The following SNTG2 variants were observed in gnomAD, a reference collection of about 807,000 sequenced individuals.
SNTG2 encodes the protein gamma-2-syntrophin.
A neutral mutation model predicts 70.9 loss-of-function variants in SNTG2; 74 were observed. The observed-to-expected ratio is 1.04, with a 90% confidence interval of 0.86 to 1.27. The LOEUF is 1.27. Ranked by LOEUF, SNTG2 falls within the 50% of genes most tolerant of loss-of-function variation. The pLI is 0.00. For missense variants in SNTG2, 717 were observed against 690.7 expected, an observed-to-expected ratio of 1.04 and a Z score of -0.43; for synonymous variants, 278 against 273.8, an observed-to-expected ratio of 1.02 and a Z score of -0.15.
Position 1,152,712 on chromosome 2 carries a change from A to G in SNTG2, c.412-12836A>G, listed in dbSNP as rs376305420. On this transcript the variant is annotated intron_variant, in intron 6 of 16. Coordinates refer to ENST00000308624, the MANE Select transcript of SNTG2 (RefSeq NM_018968.4). ...ATCTGAGCCTTTATCCGGCAGGTAG[A>G]TTTTCTTTTTCCTCAGAGAAATCTC... 2.6e-3 allele frequency among the ~76,000 whole-genome samples: 399 copies of G among 152,262 alleles called. 9 individuals carry two copies. The South Asian group carries it at 0.04, about 15-fold the overall frequency.
chr2:1,213,565 T>C (rs1311918205), intron 9 of SNTG2, among the ~76,000 whole-genome samples: 1 of 152,234 alleles, frequency 6.6e-6, no homozygotes, highest in Non-Finnish European at 1.5e-5. Context: ...GACTGGAGTC[T>C]GTGCTGGAAG....
chr2:1,271,015 T>A (rs1035843101), intron 14 of SNTG2, among the ~76,000 whole-genome samples: 4 of 152,202 alleles, frequency 2.6e-5, no homozygotes, highest in African/African-American at 9.6e-5. Context: ...CGTTTCTGAA[T>A]GCACCTATGT....
chr2:998,238 G>A (rs1661756434), intron 1 of SNTG2, among the ~76,000 whole-genome samples: 1 of 152,068 alleles, frequency 6.6e-6, no homozygotes. Context: ...CTGGAAGTAT[G>A]AACAGAGTAT....
At chr2:988,077 C>G (rs185729085) in intron 1 of SNTG2, among the ~76,000 whole-genome samples, 1 of 152,216 alleles carries the variant, frequency 6.6e-6, no homozygotes, top group Non-Finnish European at 1.5e-5. Context: ...TTTGGCAGGA[C>G]GCAGTCACAT....
At chr2:1,300,578 G>A (rs567048012) in intron 14 of SNTG2, among the ~76,000 whole-genome samples, 1 of 152,254 alleles carries the variant, frequency 6.6e-6, no homozygotes, top group South Asian at 2.1e-4. Flanking sequence ...AGAGCTACCT[G>A]TGCCCATGTG....
chr2:1,175,170 G>A (rs1051381841), intron 8 of SNTG2, among the ~76,000 whole-genome samples: 1 of 152,170 alleles, frequency 6.6e-6, no homozygotes, highest in Non-Finnish European at 1.5e-5. Context: ...TAGAGTTCCA[G>A]GTGCATTTTT....
intron 1 of SNTG2, among the ~76,000 whole-genome samples, chr2:1,009,938 C>T (rs1304115871): frequency 6.6e-6 from 1 of 152,168 alleles, no homozygotes. Context: ...CAAGATTCTC[C>T]ATGTGTGCTA....
At chr2:1,024,066 CT>C (rs1660343438) in intron 1 of SNTG2, among the ~76,000 whole-genome samples, 1 of 152,136 alleles carries the variant, frequency 6.6e-6, no homozygotes, top group Non-Finnish European at 1.5e-5. Context: ...AACAGTCCTG[CT>C]CTCGTGGAGG....
intron 14 of SNTG2, among the ~76,000 whole-genome samples, chr2:1,268,035 T>C (rs1678841664): frequency 6.6e-6 from 1 of 152,234 alleles, no homozygotes; most frequent in Non-Finnish European, 1.5e-5. Context: ...ATAAAACAGC[T>C]TGTGTGTCTG....
intron 1 of SNTG2, among the ~76,000 whole-genome samples, chr2:977,186 A>C (rs551802118): frequency 1.3e-5 from 2 of 152,270 alleles, no homozygotes; most frequent in African/African-American, 2.4e-5. Context: ...CGCTGTAAGT[A>C]TATATAATCC....
In SNTG2 at chr2:1,083,662, GCCATCACTT is replaced by G; in HGVS notation, c.210+9_210+17del. On this transcript the variant is annotated splice_region_variant and intron_variant, in intron 2 of 16. Coordinates refer to ENST00000308624, the MANE Select transcript of SNTG2 (RefSeq NM_018968.4). ...AAGCCACCAGGGCAGGAATGTAAGT[GCCATCACTT>G]CAGGGAAGTCTTGGAGTGTTTCGGA... 6.2e-7 allele frequency: 1 copy of G among 1,613,696 alleles called. No individual in the cohort carries two copies. The highest frequency in any genetic ancestry group is 2.2e-5 in the East Asian group (1 of 44,882).
chr2:1,243,083 G>T (rs879624768), intron 11 of SNTG2, among the ~76,000 whole-genome samples: 4 of 152,214 alleles, frequency 2.6e-5, no homozygotes, highest in Non-Finnish European at 5.9e-5. Flanking sequence ...GTATTTCTTT[G>T]CTAAATCTAG....
intron 1 of SNTG2, among the ~76,000 whole-genome samples, chr2:976,184 C>A (rs1009228950): frequency 6.6e-6 from 1 of 152,134 alleles, no homozygotes; most frequent in African/African-American, 2.4e-5. Flanking sequence ...TAATTAGAAG[C>A]AATTCATATT....
At chr2:1,280,772 T>TAGTA (rs1177264536) in intron 14 of SNTG2, among the ~76,000 whole-genome samples, 2 of 152,254 alleles carry the variant, frequency 1.3e-5, no homozygotes, top group East Asian at 3.8e-4. Flanking sequence ...TTTACAAACT[T>TAGTA]TCTGAAAGTA....
chr2:1,271,974 T>G (rs988088638), intron 14 of SNTG2, among the ~76,000 whole-genome samples: 1 of 151,996 alleles, frequency 6.6e-6, no homozygotes, highest in African/African-American at 2.4e-5. Context: ...TTGGCTTCTG[T>G]GAACCAACAT....
intron 9 of SNTG2, among the ~76,000 whole-genome samples, chr2:1,223,759 ACCT>A (rs777297712): frequency 2.2e-4 from 33 of 152,174 alleles, no homozygotes; most frequent in Non-Finnish European, 4.1e-4. Context: ...GGTGTACATG[ACCT>A]CAGCACACTA....
rs182565568 is a variant in SNTG2 at position 1,154,899 on chromosome 2, C to T, written c.412-10649C>T. Among the ~76,000 whole-genome samples the T allele has an allele frequency of 6.0e-5, 9 of 149,040 alleles. No homozygotes were observed. In the East Asian group the frequency reaches 1.4e-3, roughly 23 times the overall value. ...CAAACACACCACACACACAAAGACA[C>T]ATACCACATACACACACACAACACA... On this transcript the variant is annotated intron_variant, in intron 6 of 16. Transcript: ENST00000308624.
At chr2:1,218,208 C>T (rs975284817) in intron 9 of SNTG2, among the ~76,000 whole-genome samples, 7 of 152,112 alleles carry the variant, frequency 4.6e-5, no homozygotes, top group Admixed American at 2.6e-4. Context: ...TAGACCCAGA[C>T]GTAAAGGGCC....
chr2:961,426 C>T (rs1660345504), intron 1 of SNTG2, among the ~76,000 whole-genome samples: 1 of 152,120 alleles, frequency 6.6e-6, no homozygotes, highest in African/African-American at 2.4e-5. Context: ...TGAACCATGT[C>T]TGTGAACTTT....
Sources: allele counts gnomAD v4.1 joint callset (sites outside exome capture counted in the v4.1 genomes callset), GRCh38; gene constraint gnomAD v4.1.1; transcripts MANE v1.5; gene names NCBI Gene and HGNC (gene_info 2026-07-23, HGNC 2026-07-21).